The following SEMA4F variants were observed in gnomAD, a reference collection of about 807,000 sequenced individuals.
The protein encoded by SEMA4F is semaphorin-4F.
A neutral mutation model predicts 78.4 loss-of-function variants in SEMA4F; 51 were observed. That is an observed-to-expected ratio of 0.65 (90% CI 0.52 to 0.82). The LOEUF (loss-of-function observed/expected upper bound fraction) is 0.82. SEMA4F is among the 40% of genes least tolerant of loss of function. The pLI, the probability that SEMA4F is intolerant of heterozygous loss-of-function variation, is 0.00. For missense variants in SEMA4F, 938 were observed against 1,014.4 expected, an observed-to-expected ratio of 0.92 and a Z score of 1.02; for synonymous variants, 418 against 408.7, an observed-to-expected ratio of 1.02 and a Z score of -0.27.
chr2:74,669,900 A>G (rs1045817295), intron 5 of SEMA4F, among the ~76,000 whole-genome samples: 1 of 151,546 alleles, frequency 6.6e-6, no homozygotes, highest in South Asian at 2.1e-4. Flanking sequence ...TTTTTTTTGC[A>G]CTATAAAAGT....
chr2:74,678,640 G>A (rs1685416364), intron 12 of SEMA4F, among the ~76,000 whole-genome samples: 1 of 152,206 alleles, frequency 6.6e-6, no homozygotes, highest in Non-Finnish European at 1.5e-5. Flanking sequence ...TCAGCAGTGA[G>A]CAGTCCATCT....
the SEMA4F span, among the ~76,000 whole-genome samples, chr2:74,693,283 A>G: frequency 2.0e-4 from 31 of 152,354 alleles, no homozygotes; most frequent in Non-Finnish European, 4.4e-4. Context: ...ACATCATTTG[A>G]AAATAATACA....
intron 1 of SEMA4F, among the ~76,000 whole-genome samples, chr2:74,655,866 T>C (rs1382904716): frequency 6.6e-6 from 1 of 152,132 alleles, no homozygotes; most frequent in African/African-American, 2.4e-5. Flanking sequence ...TTGAGGGTAC[T>C]GAGCAGAGGA....
At chr2:74,657,517 T>G in intron 2 of SEMA4F, 48 bp from the exon 3 acceptor site, 2 of 1,555,842 alleles carry the variant, frequency 1.3e-6, no homozygotes, top group Non-Finnish European at 1.8e-6. Flanking sequence ...ATCGAGGGAG[T>G]TTGATGTTAG....
At chr2:74,700,885 C>A in the SEMA4F span, among the ~76,000 whole-genome samples, 1 of 152,180 alleles carries the variant, frequency 6.6e-6, no homozygotes, top group African/African-American at 2.4e-5. Flanking sequence ...CTGGAGAATT[C>A]CTGGTTCCTG....
In SEMA4F at chr2:74,682,314, G is replaced by A. The variant is rs919242916; in HGVS notation, c.*2105G>A. On this transcript the variant is annotated 3_prime_UTR_variant, in exon 14 of 14. Transcript: ENST00000357877. ...GCCTGTAGTCCCAGCTACTCGGGAG[G>A]CTGAGGCAGGAGAATGGCGTGAACC... is the stretch of plus-strand genomic sequence containing the variant. 1 of 152,036 alleles carries A rather than the reference G, an allele frequency of 6.6e-6. No individual in the cohort carries two copies. The highest frequency in any genetic ancestry group is 2.4e-5 in the African/African-American group (1 of 41,372). The allele number at this position is 152,036 out of a possible 1,614,324, so 9.4% of individuals were successfully genotyped here.
At chr2:74,686,112 T>C (rs1325587196), downstream of SEMA4F, among the ~76,000 whole-genome samples, 2 of 152,106 alleles carry the variant, frequency 1.3e-5, no homozygotes, top group East Asian at 1.9e-4. Flanking sequence ...TTTCTTTTTT[T>C]TTTTTGAGAC....
At chr2:74,666,477 A>T (rs978644361) in intron 5 of SEMA4F, among the ~76,000 whole-genome samples, 2 of 152,112 alleles carry the variant, frequency 1.3e-5, no homozygotes, top group East Asian at 3.8e-4. Flanking sequence ...GGCGATCAGA[A>T]CTCACTTCCT....
intron 5 of SEMA4F, among the ~76,000 whole-genome samples, chr2:74,664,603 G>A (rs2104945464): frequency 6.6e-6 from 1 of 152,176 alleles, no homozygotes; most frequent in Admixed American, 6.5e-5. Context: ...GAATGAGAGT[G>A]GCTTTTCTCT....
downstream of SEMA4F, among the ~76,000 whole-genome samples, chr2:74,685,934 A>G (rs888725811): frequency 6.6e-6 from 1 of 152,176 alleles, no homozygotes; most frequent in African/African-American, 2.4e-5. Flanking sequence ...GAAGACATTT[A>G]TGCAGCCAAC....
chr2:74,656,805 G>C (rs1684169739), intron 2 of SEMA4F, 120 bp downstream of exon 2: 1 of 1,143,516 alleles, frequency 8.7e-7, no homozygotes, highest in Non-Finnish European at 1.2e-6. Context: ...GGTAGTAGGA[G>C]GGGGTGAGTT....
At chr2:74,689,440 C>T in the SEMA4F span, among the ~76,000 whole-genome samples, 5 of 152,102 alleles carry the variant, frequency 3.3e-5, no homozygotes, top group Admixed American at 2.6e-4. Flanking sequence ...GGAGGGCATT[C>T]TGGTAATATC....
chr2:74,674,742 T>C (rs1685170674), intron 8 of SEMA4F, 66 bp downstream of exon 8: 2 of 1,578,316 alleles, frequency 1.3e-6, no homozygotes, highest in African/African-American at 1.4e-5. Context: ...ACAATGTCAG[T>C]GTTGTCTCTT....
downstream of SEMA4F, among the ~76,000 whole-genome samples, chr2:74,684,476 T>G (rs568971678): frequency 3.9e-5 from 6 of 152,248 alleles, no homozygotes; most frequent in African/African-American, 1.4e-4. Flanking sequence ...TGACATAAGC[T>G]TCCATGATTG....
intron 1 of SEMA4F, among the ~76,000 whole-genome samples, chr2:74,655,904 C>A (rs1051044995): frequency 1.3e-5 from 2 of 152,060 alleles, no homozygotes; most frequent in African/African-American, 2.4e-5. Context: ...TGTATTGGTG[C>A]AAGGGTAGGG....
chr2:74,658,059 G>C lies in SEMA4F; in HGVS notation c.456+108G>C. On this transcript the variant is annotated intron_variant, in intron 4 of 13. Coordinates refer to ENST00000357877, the MANE Select transcript of SEMA4F (RefSeq NM_004263.5). The surrounding 1 kb of genome is among the most constrained non-coding windows in gnomAD (Gnocchi z 4.3). Reference sequence around the variant, plus strand: ...GTTTTCTGTGAGCGACCATGATGGGGGCATGGTCAAGGCAACCATTGTGCA... The same window carrying C: ...GTTTTCTGTGAGCGACCATGATGGGCGCATGGTCAAGGCAACCATTGTGCA... The C allele has an allele frequency of 1.0e-6, 1 of 978,978 alleles. No individual in the cohort carries two copies. Among genetic ancestry groups the C allele is most frequent in the Non-Finnish European group, 1.6e-6 (1 of 618,772 alleles). 60.6% of individuals were successfully genotyped at this position (978,978 alleles called of 1,614,324 possible). A position where few individuals can be genotyped will look rare whatever the true frequency, so the allele number is the denominator to read the frequency against.
chr2:74,664,296 A>G (rs891181729), intron 5 of SEMA4F, among the ~76,000 whole-genome samples: 2 of 152,256 alleles, frequency 1.3e-5, no homozygotes, highest in African/African-American at 4.8e-5. Flanking sequence ...TATATAATTT[A>G]AAAATTCATT....
chr2:74,665,988 A>G (rs944333261), intron 5 of SEMA4F, among the ~76,000 whole-genome samples: 1 of 151,950 alleles, frequency 6.6e-6, no homozygotes, highest in Non-Finnish European at 1.5e-5. Flanking sequence ...GCTCACTGCA[A>G]CCTTCGTCTC....
At chr2:74,684,126 T>G (rs1685757827), downstream of SEMA4F, among the ~76,000 whole-genome samples, 1 of 151,946 alleles carries the variant, frequency 6.6e-6, no homozygotes, top group South Asian at 2.1e-4. Context: ...AGCCTATGGT[T>G]TCATCATAAT....
Sources: gnomAD v4.1 joint callset for allele counts (sites outside exome capture counted in the v4.1 genomes callset) on GRCh38, gnomAD v4.1.1 for gene constraint, Gnocchi (gnomAD v3.1) non-coding constraint, MANE v1.5 for transcripts, NCBI Gene and HGNC (gene_info 2026-07-23, HGNC 2026-07-21) for gene names.